Variants in AP4E1 observed in about 807,000 individuals in gnomAD.
AP4E1 encodes the protein adaptor related protein complex 4 subunit epsilon 1, also known as AP-4 complex subunit epsilon-1.
A neutral mutation model predicts 128.2 loss-of-function variants in AP4E1; 56 were observed. The observed-to-expected ratio is 0.44, with a 90% CI of 0.35 to 0.55. AP4E1 has a LOEUF of 0.55. Among genes scored for constraint, AP4E1 ranks in the 20% least tolerant of loss-of-function variants. The pLI is 0.00. For missense variants in AP4E1, 1,324 were observed against 1,307.7 expected, an observed-to-expected ratio of 1.01 and a Z score of -0.19; for synonymous variants, 484 against 473.1, an observed-to-expected ratio of 1.02 and a Z score of -0.30.
chr15:50,993,688 T>G, intron 17 of AP4E1, 63 bp downstream of exon 17: 1 of 1,601,522 alleles, frequency 6.2e-7, no homozygotes, highest in Non-Finnish European at 8.5e-7. Context: ...AAAAACTGGC[T>G]CTATAAAAGC....
intron 14 of AP4E1, among the ~76,000 whole-genome samples, chr15:50,966,901 T>A (rs940709040): frequency 2.0e-5 from 3 of 152,232 alleles, no homozygotes; most frequent in Non-Finnish European, 2.9e-5. Flanking sequence ...TTATGTTTGA[T>A]AATTATTTGC....
At chr15:50,945,492 C>A in intron 10 of AP4E1, 1 of 758,180 alleles carries the variant, frequency 1.3e-6, no homozygotes. Context: ...CTGTAATGTT[C>A]CATATGGATC....
At chr15:50,984,493 T>TTCC (rs1228788732) in intron 16 of AP4E1, among the ~76,000 whole-genome samples, 4 of 135,850 alleles carry the variant, frequency 2.9e-5, no homozygotes, top group Non-Finnish European at 4.7e-5. Flanking sequence ...GTGTGTGATG[T>TTCC]TCCCCTTCCT....
intron 16 of AP4E1, among the ~76,000 whole-genome samples, chr15:50,990,364 T>TATTATG (rs1402314040): frequency 2.9e-4 from 43 of 148,092 alleles, no homozygotes; most frequent in Admixed American, 1.3e-3. Context: ...TTATTATTAT[T>TATTATG]ATTATTATTA....
chr15:50,934,583 A>T (rs745650277), intron 7 of AP4E1, 41 bp from the exon 8 acceptor site: 35 of 1,390,852 alleles, frequency 2.5e-5, no homozygotes, highest in Non-Finnish European at 3.3e-5. Flanking sequence ...ATTGGGTTAG[A>T]ATACTATAAT....
chr15:50,921,350 C>G (rs1214628610), intron 3 of AP4E1, among the ~76,000 whole-genome samples: 1 of 151,556 alleles, frequency 6.6e-6, no homozygotes, highest in Non-Finnish European at 1.5e-5. Flanking sequence ...TTCATTTTAC[C>G]TTTTCTTTTT....
intron 15 of AP4E1, among the ~76,000 whole-genome samples, chr15:50,972,235 G>A (rs2064489513): frequency 6.6e-6 from 1 of 151,862 alleles, no homozygotes; most frequent in Non-Finnish European, 1.5e-5. Flanking sequence ...CTTTTGAGAA[G>A]GAGTCTCGCT....
At position 51,003,852 on chromosome 15, in the gene AP4E1, T is replaced by G. The variant is rs1163505604; in HGVS notation, c.*1190T>G. 6.6e-6 allele frequency: 1 copy of G among 152,632 alleles called. No homozygotes were observed. Among genetic ancestry groups the G allele is most frequent in the Non-Finnish European group, 1.5e-5 (1 of 68,032 alleles). The allele number at this position is 152,632 out of a possible 1,614,324, so 9.5% of individuals were successfully genotyped here. ...TTTTAAGTCATTGCAGTTAATACTC[T>G]GGTTAATTGGTACTGTTAATCACCC... On this transcript the variant is annotated 3_prime_UTR_variant, in exon 21 of 21. Coordinates refer to ENST00000261842, the MANE Select transcript of AP4E1 (RefSeq NM_007347.5).
intron 19 of AP4E1, among the ~76,000 whole-genome samples, chr15:50,999,510 C>T (rs867115461): frequency 1.1e-4 from 17 of 152,092 alleles, no homozygotes; most frequent in Middle Eastern, 3.4e-3. Flanking sequence ...TAATGAGAGA[C>T]CTGATTTAGG....
In AP4E1 at chr15:50,941,625, T is replaced by C. The variant is rs200339056; in HGVS notation, c.1067-41T>C. The C allele has an allele frequency of 6.2e-6, 10 of 1,611,834 alleles. No individual in the cohort carries two copies. The East Asian group carries it at 2.0e-4, about 32-fold the overall frequency. On this transcript the variant is annotated intron_variant, in intron 9 of 20. Transcript: ENST00000261842. ...GATAGCTTTTGAAATTTGCTGTGTATTTGTTTCAATTCACTTTGTATAATG... is the reference window on the plus strand; with the variant it reads ...GATAGCTTTTGAAATTTGCTGTGTACTTGTTTCAATTCACTTTGTATAATG...
intron 14 of AP4E1, among the ~76,000 whole-genome samples, chr15:50,967,772 G>C (rs756326905): frequency 8.5e-5 from 13 of 152,192 alleles, no homozygotes; most frequent in Non-Finnish European, 1.2e-4. Context: ...CAGGTGATCT[G>C]ATTATAGATG....
chr15:50,944,918 G>A (rs1036383229), intron 10 of AP4E1: 4 of 799,264 alleles, frequency 5.0e-6, no homozygotes, highest in African/African-American at 3.4e-5. Context: ...TTTCTGGGGC[G>A]TGTGATGGAG....
At chr15:50,971,285 C>A (rs191180156) in intron 15 of AP4E1, among the ~76,000 whole-genome samples, 1 of 152,182 alleles carries the variant, frequency 6.6e-6, no homozygotes, top group East Asian at 1.9e-4. Flanking sequence ...TTTCTCCTGG[C>A]CTCTAAGGTT....
intron 3 of AP4E1, among the ~76,000 whole-genome samples, chr15:50,921,790 C>T (rs931534769): frequency 9.2e-5 from 14 of 152,058 alleles, no homozygotes; most frequent in Non-Finnish European, 2.9e-5. Context: ...ATTTTGTAAT[C>T]GTAGTTATTA....
chr15:50,988,141 G>T (rs1228728470), intron 16 of AP4E1, among the ~76,000 whole-genome samples: 1 of 152,112 alleles, frequency 6.6e-6, no homozygotes, highest in African/African-American at 2.4e-5. Flanking sequence ...AAGCCATATA[G>T]TTGGTCACCC....
chr15:50,908,002 G>A (rs1385133354), upstream of AP4E1, among the ~76,000 whole-genome samples: 1 of 152,206 alleles, frequency 6.6e-6, no homozygotes, highest in Admixed American at 6.5e-5. Context: ...CTTGCCCGCC[G>A]GGCCAGGGGA....
intron 19 of AP4E1, 47 bp downstream of exon 19, chr15:50,999,309 A>C (rs749948321): frequency 6.6e-7 from 1 of 1,521,826 alleles, no homozygotes; most frequent in South Asian, 1.2e-5. Flanking sequence ...TTCACCAACT[A>C]TTTTTTAGAC....
At chr15:50,925,926 G>A (rs1423332702) in intron 5 of AP4E1, among the ~76,000 whole-genome samples, 5 of 150,730 alleles carry the variant, frequency 3.3e-5, no homozygotes, top group Non-Finnish European at 5.9e-5. Flanking sequence ...TGCCCGGCCC[G>A]GGAAGATGCT....
At chr15:50,963,383 G>T (rs994167007) in intron 14 of AP4E1, among the ~76,000 whole-genome samples, 16 of 152,138 alleles carry the variant, frequency 1.1e-4, no homozygotes, top group Admixed American at 3.3e-4. Context: ...GGAAAATGTG[G>T]TATGTATACA....
Sources: allele counts gnomAD v4.1 joint callset (sites outside exome capture counted in the v4.1 genomes callset), GRCh38; gene constraint gnomAD v4.1.1; transcripts MANE v1.5; gene names NCBI Gene and HGNC (gene_info 2026-07-23, HGNC 2026-07-21).